The following PRR16 variants were observed in gnomAD, a reference collection of about 807,000 sequenced individuals.
The protein encoded by PRR16 is proline rich 16.
In PRR16, 6 loss-of-function variants were observed where a neutral mutation model predicts 18.2. The observed-to-expected ratio is 0.33, with a 90% CI of 0.18 to 0.65. PRR16 has a LOEUF of 0.65. Ranked by LOEUF, PRR16 falls within the 30% of genes least tolerant of loss-of-function variation. The probability of loss-of-function intolerance (pLI) is 0.74; values close to 1 mark genes in which losing one functional copy is unlikely to be tolerated. For missense variants in PRR16, 412 were observed against 376.6 expected (o/e 1.09, Z -0.78); for synonymous variants, 151 against 147.8 (o/e 1.02, Z -0.16).
chr5:120,739,124 T>G, the PRR16 span, among the ~76,000 whole-genome samples: 1 of 152,060 alleles, frequency 6.6e-6, no homozygotes, highest in African/African-American at 2.4e-5. Context: ...GGTATAATTT[T>G]GGGAGGCCAC....
chr5:120,566,387 G>A (rs1245792373), intron 1 of PRR16, among the ~76,000 whole-genome samples: 2 of 152,242 alleles, frequency 1.3e-5, no homozygotes, highest in East Asian at 3.8e-4. Context: ...TGACCAGGTT[G>A]TGTGACTCTT....
At chr5:120,569,039 C>T (rs1307857509) in intron 1 of PRR16, among the ~76,000 whole-genome samples, 1 of 151,892 alleles carries the variant, frequency 6.6e-6, no homozygotes, top group Non-Finnish European at 1.5e-5. Flanking sequence ...TCAATAGATT[C>T]CACTCATAGT....
At chr5:120,507,061 G>T (rs1424616300) in intron 1 of PRR16, among the ~76,000 whole-genome samples, 1 of 152,062 alleles carries the variant, frequency 6.6e-6, no homozygotes, top group African/African-American at 2.4e-5. Flanking sequence ...CCAGGCTAAA[G>T]AAATACAATA....
chr5:120,531,239 G>A (rs146421928), intron 1 of PRR16, among the ~76,000 whole-genome samples: 2,375 of 152,170 alleles, frequency 0.016, 23 homozygotes, highest in Middle Eastern at 0.13. Flanking sequence ...TAGTTTTATG[G>A]CAAATGATAG....
chr5:120,573,076 A>T (rs895379458), intron 1 of PRR16, among the ~76,000 whole-genome samples: 1 of 152,110 alleles, frequency 6.6e-6, no homozygotes, highest in East Asian at 1.9e-4. Context: ...TGAAACACCA[A>T]TATTCTCATT....
chr5:120,777,763 G>A, the PRR16 span, among the ~76,000 whole-genome samples: 203 of 152,136 alleles, frequency 1.3e-3, no homozygotes, highest in African/African-American at 4.6e-3. Context: ...ATACAGAAGC[G>A]CACTGAATAC....
At chr5:120,568,226 A>G (rs1181329291) in intron 1 of PRR16, among the ~76,000 whole-genome samples, 1 of 152,182 alleles carries the variant, frequency 6.6e-6, no homozygotes, top group African/African-American at 2.4e-5. Flanking sequence ...ACATGACCCT[A>G]GTAAGCTGGC....
the PRR16 span, among the ~76,000 whole-genome samples, chr5:120,712,777 C>G: frequency 8.5e-5 from 13 of 152,058 alleles, no homozygotes; most frequent in Admixed American, 4.6e-4. Flanking sequence ...AATGAGTTAT[C>G]ATTTATACTT....
At chr5:120,598,580 A>T (rs1205776436) in intron 1 of PRR16, among the ~76,000 whole-genome samples, 1 of 151,674 alleles carries the variant, frequency 6.6e-6, no homozygotes, top group Non-Finnish European at 1.5e-5. Flanking sequence ...CCTCCCTCCA[A>T]CACTGCCCCC....
chr5:120,487,238 A>T (rs926131058), intron 1 of PRR16, among the ~76,000 whole-genome samples: 2 of 152,206 alleles, frequency 1.3e-5, no homozygotes, highest in Admixed American at 6.5e-5. Flanking sequence ...TACCTTGGGC[A>T]GTATGGCCAT....
At chr5:120,668,404 A>T (rs1289254030) in intron 1 of PRR16, among the ~76,000 whole-genome samples, 1 of 148,960 alleles carries the variant, frequency 6.7e-6, no homozygotes, top group Admixed American at 6.8e-5. Flanking sequence ...TTGACTCTTT[A>T]TCCAATTTGC....
chr5:120,615,375 CTTTCT>C, intron 1 of PRR16, among the ~76,000 whole-genome samples: 1 of 113,130 alleles, frequency 8.8e-6, no homozygotes, highest in Non-Finnish European at 1.9e-5. Context: ...ATTTCTTTTT[CTTTCT>C]TTTCTTTTTT....
At chr5:120,497,530 C>T (rs538828232) in intron 1 of PRR16, among the ~76,000 whole-genome samples, 1 of 151,388 alleles carries the variant, frequency 6.6e-6, no homozygotes, top group Non-Finnish European at 1.5e-5. Flanking sequence ...GCTGGGATTA[C>T]AGGTGCACAC....
At chr5:120,579,459 T>G (rs1350031902) in intron 1 of PRR16, among the ~76,000 whole-genome samples, 2 of 152,192 alleles carry the variant, frequency 1.3e-5, no homozygotes. Flanking sequence ...CAGTTTCCGT[T>G]TTCTGCATAT....
intron 1 of PRR16, chr5:120,657,987 A>C (rs2150136326): frequency 6.6e-6 from 1 of 152,124 alleles, no homozygotes; most frequent in African/African-American, 2.4e-5. Flanking sequence ...TGTTTCTTTG[A>C]GTACCTTCCT....
chr5:120,580,320 G>C (rs1481789026), intron 1 of PRR16, among the ~76,000 whole-genome samples: 1 of 152,008 alleles, frequency 6.6e-6, no homozygotes. Flanking sequence ...GTTTTCAAAG[G>C]GAATGCTTCC....
the PRR16 span, among the ~76,000 whole-genome samples, chr5:120,727,917 T>C: frequency 2.0e-5 from 3 of 151,988 alleles, no homozygotes; most frequent in African/African-American, 7.2e-5. Context: ...ATTAGACAAA[T>C]GTGTTAATAA....
At chr5:120,740,709 G>A in the PRR16 span, among the ~76,000 whole-genome samples, 1 of 152,082 alleles carries the variant, frequency 6.6e-6, no homozygotes, top group African/African-American at 2.4e-5. Flanking sequence ...TCTGGAATCA[G>A]TTTTCCAAAA....
chr5:120,704,012 G>C, the PRR16 span, among the ~76,000 whole-genome samples: 1 of 152,138 alleles, frequency 6.6e-6, no homozygotes, highest in African/African-American at 2.4e-5. Flanking sequence ...GCTGGACTTA[G>C]GTAGACAAAT....
Sources: gnomAD v4.1 joint callset for allele counts (sites outside exome capture counted in the v4.1 genomes callset) on GRCh38, gnomAD v4.1.1 for gene constraint, MANE v1.5 for transcripts, NCBI Gene and HGNC (gene_info 2026-07-23, HGNC 2026-07-21) for gene names.